KLF12: variants seen among roughly 807,000 people sequenced by gnomAD.
KLF12 encodes the protein KLF transcription factor 12, also known as Krueppel-like factor 12.
Under a neutral mutation model 37.8 loss-of-function variants are expected in KLF12, and 9 were observed. That is an observed-to-expected ratio of 0.24 (90% CI 0.14 to 0.42). The LOEUF is 0.42. Ranked by LOEUF, KLF12 falls within the 10% of genes least tolerant of loss-of-function variation. The probability of loss-of-function intolerance (pLI) is 1.00; values close to 1 mark genes in which losing one functional copy is unlikely to be tolerated. For missense variants in KLF12, 411 were observed against 516.0 expected (o/e 0.80, Z 1.97); for synonymous variants, 208 against 202.1 (o/e 1.03, Z -0.25).
chr13:73,892,236 CA>C (rs1358373759), intron 3 of KLF12, among the ~76,000 whole-genome samples: 1 of 151,936 alleles, frequency 6.6e-6, no homozygotes, highest in African/African-American at 2.4e-5. Flanking sequence ...TCTGGAATAA[CA>C]AATGAAAATA....
chr13:73,946,158 A>G (rs1254527663), intron 2 of KLF12, among the ~76,000 whole-genome samples: 1 of 152,172 alleles, frequency 6.6e-6, no homozygotes, highest in Non-Finnish European at 1.5e-5. Flanking sequence ...GGATGAGCTG[A>G]TATTGCTTCC....
intron 5 of KLF12, among the ~76,000 whole-genome samples, chr13:73,807,133 C>A (rs1029756358): frequency 3.9e-5 from 6 of 151,966 alleles, no homozygotes; most frequent in African/African-American, 1.5e-4. Context: ...CATGGTAAAA[C>A]CCCGTCTCTA....
At chr13:73,715,176 A>G (rs936437320) in intron 7 of KLF12, among the ~76,000 whole-genome samples, 192 bp downstream of exon 7, 2 of 152,150 alleles carry the variant, frequency 1.3e-5, no homozygotes, top group African/African-American at 4.8e-5. Context: ...AACATTTTAA[A>G]AGCTCAAATA....
chr13:74,060,104 C>T (rs1873484887), intron 1 of KLF12, among the ~76,000 whole-genome samples: 1 of 152,038 alleles, frequency 6.6e-6, no homozygotes, highest in African/African-American at 2.4e-5. Flanking sequence ...CTCTATTTTT[C>T]TCTATTGATC....
chr13:74,239,976 T>C, the KLF12 span, among the ~76,000 whole-genome samples: 28 of 147,192 alleles, frequency 1.9e-4, no homozygotes, highest in East Asian at 1.1e-3. Flanking sequence ...GTGAATTTGA[T>C]CCTGTCATTA....
intron 3 of KLF12, among the ~76,000 whole-genome samples, chr13:73,877,455 T>C (rs909041817): frequency 1.3e-5 from 2 of 152,198 alleles, no homozygotes; most frequent in African/African-American, 2.4e-5. Context: ...CAGTTTTTGT[T>C]CAAAACTGTC....
chr13:73,716,402 A>G (rs1036312618), intron 6 of KLF12, among the ~76,000 whole-genome samples: 1 of 152,172 alleles, frequency 6.6e-6, no homozygotes, highest in Non-Finnish European at 1.5e-5. Context: ...TCATATTTCT[A>G]CTCTACAAAA....
the KLF12 span, among the ~76,000 whole-genome samples, chr13:74,294,435 C>T: frequency 5.3e-5 from 8 of 152,108 alleles, no homozygotes; most frequent in African/African-American, 1.9e-4. Flanking sequence ...GTGGTGCGAT[C>T]TCGGCTCACT....
intron 3 of KLF12, among the ~76,000 whole-genome samples, chr13:73,848,998 G>A (rs1341620304): frequency 2.6e-5 from 4 of 151,998 alleles, no homozygotes; most frequent in African/African-American, 4.8e-5. Flanking sequence ...CCTGACAGCC[G>A]ACACTAATCT....
chr13:73,919,097 AC>A (rs1888994597), intron 3 of KLF12, among the ~76,000 whole-genome samples: 1 of 152,164 alleles, frequency 6.6e-6, no homozygotes, highest in Non-Finnish European at 1.5e-5. Context: ...ACTTGTAACT[AC>A]CCAGGAGCAC....
intron 6 of KLF12, among the ~76,000 whole-genome samples, chr13:73,733,664 AT>A: frequency 6.6e-6 from 1 of 152,092 alleles, no homozygotes; most frequent in Admixed American, 6.5e-5. Flanking sequence ...CCTGCTTCCA[AT>A]TTTTTTATAC....
intron 6 of KLF12, among the ~76,000 whole-genome samples, chr13:73,754,785 C>T (rs1198836633): frequency 6.6e-6 from 1 of 152,134 alleles, no homozygotes; most frequent in African/African-American, 2.4e-5. Context: ...CACCTAGAGG[C>T]AGAAACTAAG....
chr13:74,238,738 G>C, the KLF12 span, among the ~76,000 whole-genome samples: 4 of 151,556 alleles, frequency 2.6e-5, no homozygotes, highest in African/African-American at 9.7e-5. Context: ...AGAGGTGTTT[G>C]TAGTATTCTC....
intron 4 of KLF12, among the ~76,000 whole-genome samples, chr13:73,840,395 C>CT (rs1372695431): frequency 2.0e-5 from 3 of 152,048 alleles, no homozygotes; most frequent in African/African-American, 7.2e-5. Flanking sequence ...CCAAATCTGT[C>CT]TCCTCTTTCC....
intron 1 of KLF12, among the ~76,000 whole-genome samples, chr13:74,083,493 G>GAGAC (rs1483911626): frequency 3.7e-5 from 5 of 136,420 alleles, no homozygotes; most frequent in African/African-American, 1.4e-4. Flanking sequence ...GGCGATAGGA[G>GAGAC]ACACACACAC....
chr13:73,902,052 C>T (rs986578670), intron 3 of KLF12, among the ~76,000 whole-genome samples: 3 of 152,080 alleles, frequency 2.0e-5, no homozygotes, highest in African/African-American at 7.2e-5. Context: ...ACCTATAATG[C>T]TTATAGTTTA....
rs559370305 is a variant in KLF12 at position 73,707,784 on chromosome 13, A to G, written c.1027+7584T>C. On this transcript the variant is annotated intron_variant, in intron 7 of 7. Transcript: ENST00000377669. Reference sequence around the variant, plus strand: ...AAAGCCCCTGATTTTCTTTGTAGGAATATCCTCAAACCACTTCAGAATCTC... The same window carrying G: ...AAAGCCCCTGATTTTCTTTGTAGGAGTATCCTCAAACCACTTCAGAATCTC... Among the ~76,000 whole-genome samples the G allele has an allele frequency of 2.0e-4, 31 of 152,320 alleles. No homozygotes were observed. In the South Asian group the frequency reaches 6.4e-3, roughly 32 times the overall value.
chr13:73,904,379 T>C (rs540409451), intron 3 of KLF12, among the ~76,000 whole-genome samples: 5 of 152,204 alleles, frequency 3.3e-5, no homozygotes, highest in African/African-American at 1.2e-4. Flanking sequence ...AAATGCAATT[T>C]TCATTGGAGA....
intron 3 of KLF12, among the ~76,000 whole-genome samples, chr13:73,865,939 T>A (rs1251595982): frequency 6.6e-6 from 1 of 152,128 alleles, no homozygotes; most frequent in African/African-American, 2.4e-5. Flanking sequence ...GTAGTTCAAG[T>A]GGGAGTAGTA....
Sources: gnomAD v4.1 joint callset for allele counts (sites outside exome capture counted in the v4.1 genomes callset) on GRCh38, gnomAD v4.1.1 for gene constraint, MANE v1.5 for transcripts, NCBI Gene and HGNC (gene_info 2026-07-23, HGNC 2026-07-21) for gene names.